Variants in EXT1 observed in about 807,000 individuals in gnomAD.
EXT1 encodes exostosin-1.
Under a neutral mutation model 82.5 loss-of-function variants are expected in EXT1, and 20 were observed. The ratio of observed to expected loss-of-function variants is 0.24; its 90% CI spans 0.17 to 0.35. EXT1 has a LOEUF of 0.35. Among genes scored for constraint, EXT1 ranks in the 10% least tolerant of loss-of-function variants. The pLI is 1.00. For missense variants in EXT1, 757 were observed against 936.5 expected (o/e 0.81, Z 2.50); for synonymous variants, 348 against 350.8 (o/e 0.99, Z 0.09).
chr8:118,026,429 A>C (rs1563633113), intron 1 of EXT1, among the ~76,000 whole-genome samples: 1 of 152,092 alleles, frequency 6.6e-6, no homozygotes, highest in Non-Finnish European at 1.5e-5. Flanking sequence ...TTTATCTTTT[A>C]ATGCAATTAA....
At chr8:117,934,519 C>G (rs1004688862) in intron 1 of EXT1, among the ~76,000 whole-genome samples, 3 of 152,238 alleles carry the variant, frequency 2.0e-5, no homozygotes, top group Admixed American at 6.5e-5. Context: ...GCAGTTCCCA[C>G]TGGGGAAATT....
At chr8:117,996,867 A>G (rs1165141282) in intron 1 of EXT1, among the ~76,000 whole-genome samples, 2 of 152,224 alleles carry the variant, frequency 1.3e-5, no homozygotes, top group African/African-American at 4.8e-5. Context: ...TTCTGGGCCA[A>G]GCAGCTAACA....
intron 1 of EXT1, among the ~76,000 whole-genome samples, chr8:117,863,753 G>T (rs145501082): frequency 1.3e-5 from 2 of 152,022 alleles, no homozygotes; most frequent in Non-Finnish European, 2.9e-5. Flanking sequence ...TTCCTCTCGC[G>T]GGCACTTCAG....
chr8:118,108,974 C>T (rs1051872418), intron 1 of EXT1, among the ~76,000 whole-genome samples: 2 of 152,084 alleles, frequency 1.3e-5, no homozygotes, highest in South Asian at 2.1e-4. Context: ...TTTTAACTGG[C>T]GTAACGTGGA....
At chr8:118,090,385 C>G (rs1233246511) in intron 1 of EXT1, among the ~76,000 whole-genome samples, 2 of 151,948 alleles carry the variant, frequency 1.3e-5, no homozygotes, top group Non-Finnish European at 2.9e-5. Context: ...GTGCCACTGT[C>G]ATCCAGCCTG....
In EXT1 at chr8:118,111,641, G is replaced by A. The variant is rs1817905731; in HGVS notation, c.-595C>T. Reference sequence around the variant, plus strand: ...CTGCAGCGGCTCCAAGACTCCGGCGGTGTTTACTCCTGCGCTCGCGGGGCC... The same window carrying A: ...CTGCAGCGGCTCCAAGACTCCGGCGATGTTTACTCCTGCGCTCGCGGGGCC... On this transcript the variant is annotated 5_prime_UTR_variant, in exon 1 of 11. Coordinates refer to ENST00000378204, the MANE Select transcript of EXT1 (RefSeq NM_000127.3). The A allele has an allele frequency of 2.3e-5, 9 of 393,466 alleles. No individual in the cohort carries two copies. In the Admixed American group the frequency reaches 3.1e-4, roughly 14 times the overall value. 24.4% of individuals were successfully genotyped at this position (393,466 alleles called of 1,614,324 possible).
chr8:117,993,267 T>C (rs1815472133), intron 1 of EXT1, among the ~76,000 whole-genome samples: 1 of 152,218 alleles, frequency 6.6e-6, no homozygotes, highest in Non-Finnish European at 1.5e-5. Flanking sequence ...TATGCATTCA[T>C]ACTCACAGCT....
rs533510671 is a variant in EXT1, at chr8:117,813,999, C to G, written c.1633-1038G>C. Among the ~76,000 whole-genome samples the G allele has an allele frequency of 1.7e-3, 255 of 147,962 alleles. 1 individual carries two copies. Among genetic ancestry groups the G allele is most frequent in the Non-Finnish European group, 3.2e-3 (218 of 67,348 alleles). ...CCAGCCTGGGTGACAGAGTGAGACTCTGTCTCAAAAACAAAAAAAGAGAAG... is the reference window on the plus strand; with the variant it reads ...CCAGCCTGGGTGACAGAGTGAGACTGTGTCTCAAAAACAAAAAAAGAGAAG... On this transcript the variant is annotated intron_variant, in intron 7 of 10. Coordinates refer to ENST00000378204, the MANE Select transcript of EXT1 (RefSeq NM_000127.3).
At chr8:117,845,623 A>AT (rs964831991) in intron 1 of EXT1, among the ~76,000 whole-genome samples, 11 of 151,954 alleles carry the variant, frequency 7.2e-5, no homozygotes, top group Non-Finnish European at 1.5e-4. Flanking sequence ...TTAAATTTTA[A>AT]TTTTTTATAG....
intron 1 of EXT1, among the ~76,000 whole-genome samples, chr8:118,065,238 A>G (rs1816957412): frequency 6.6e-6 from 1 of 152,100 alleles, no homozygotes; most frequent in South Asian, 2.1e-4. Context: ...CTAATGACCC[A>G]TGATGATAAG....
chr8:117,918,320 A>T (rs959331389), intron 1 of EXT1, among the ~76,000 whole-genome samples: 2 of 152,222 alleles, frequency 1.3e-5, no homozygotes, highest in African/African-American at 4.8e-5. Context: ...GGAATATTAT[A>T]GATTCTGCCC....
At chr8:117,980,841 C>T (rs530610356) in intron 1 of EXT1, among the ~76,000 whole-genome samples, 111 of 152,024 alleles carry the variant, frequency 7.3e-4, no homozygotes, top group African/African-American at 2.6e-3. Flanking sequence ...AAAGGCCAAG[C>T]CGCAGTCCCC....
chr8:117,809,218 A>AACATAT (rs71569748), intron 8 of EXT1, among the ~76,000 whole-genome samples: 6 of 107,938 alleles, frequency 5.6e-5, no homozygotes, highest in African/African-American at 1.9e-4. Context: ...TGTGTGTATA[A>AACATAT]ATATATATAT....
At chr8:117,926,528 G>A (rs1010465074) in intron 1 of EXT1, among the ~76,000 whole-genome samples, 3 of 152,174 alleles carry the variant, frequency 2.0e-5, no homozygotes, top group Non-Finnish European at 4.4e-5. Context: ...ATGCAGCGGA[G>A]GTGCCCAAGA....
chr8:118,098,066 G>A (rs1817652225), intron 1 of EXT1, among the ~76,000 whole-genome samples: 1 of 152,110 alleles, frequency 6.6e-6, no homozygotes, highest in Non-Finnish European at 1.5e-5. Context: ...TGAGAAGGCA[G>A]GCAGAGCTTG....
intron 1 of EXT1, among the ~76,000 whole-genome samples, chr8:117,973,680 A>G (rs1322072793): frequency 6.6e-6 from 1 of 151,822 alleles, no homozygotes; most frequent in Non-Finnish European, 1.5e-5. Flanking sequence ...AGCATGGAAG[A>G]TTGCTTGAGC....
intron 1 of EXT1, among the ~76,000 whole-genome samples, chr8:117,840,115 A>G (rs1208493122): frequency 6.6e-6 from 1 of 152,208 alleles, no homozygotes; most frequent in Admixed American, 6.5e-5. Context: ...GGGGATAATG[A>G]CAAATAGAGA....
At chr8:118,007,359 A>C (rs995115759) in intron 1 of EXT1, among the ~76,000 whole-genome samples, 9 of 152,284 alleles carry the variant, frequency 5.9e-5, no homozygotes, top group Admixed American at 5.9e-4. Context: ...AGGTTACATA[A>C]GAATATCTGC....
At chr8:117,992,438 T>TAAAA (rs142840509) in intron 1 of EXT1, among the ~76,000 whole-genome samples, 7 of 53,112 alleles carry the variant, frequency 1.3e-4, no homozygotes, top group Admixed American at 2.2e-4. Flanking sequence ...TTCAACTAGC[T>TAAAA]AAAAAAAAAA....
Sources: gnomAD v4.1 joint callset for allele counts (sites outside exome capture counted in the v4.1 genomes callset) on GRCh38, gnomAD v4.1.1 for gene constraint, MANE v1.5 for transcripts, NCBI Gene and HGNC (gene_info 2026-07-23, HGNC 2026-07-21) for gene names.